The following CSRP3 variants were observed in gnomAD, a reference collection of about 807,000 sequenced individuals.
CSRP3 encodes the protein cysteine and glycine rich protein 3, also known as cysteine and glycine-rich protein 3.
Under a neutral mutation model 24.3 loss-of-function variants are expected in CSRP3, and 24 were observed. The observed-to-expected ratio is 0.99, with a 90% CI of 0.71 to 1.39. CSRP3 has a LOEUF of 1.39. Among genes scored for constraint, CSRP3 ranks in the 40% most tolerant of loss-of-function variants. CSRP3 has a pLI of 0.00. For synonymous variants in CSRP3, 105 were observed against 94.0 expected (o/e 1.12, Z -0.68); for missense variants, 240 against 249.0 (o/e 0.96, Z 0.24).
At chr11:19,198,712 C>T (rs1298799121) in intron 1 of CSRP3, among the ~76,000 whole-genome samples, 7 of 138,816 alleles carry the variant, frequency 5.0e-5, no homozygotes, top group African/African-American at 1.2e-4. Context: ...GATGACATAG[C>T]CACAGTGAAA....
intron 3 of CSRP3, among the ~76,000 whole-genome samples, chr11:19,187,306 C>G (rs1451994216): frequency 6.6e-6 from 1 of 152,246 alleles, no homozygotes; most frequent in Non-Finnish European, 1.5e-5. Context: ...GTGGCTTACT[C>G]TCTTTTGAAG....
chr11:19,182,809 C>A, intron 5 of CSRP3, 63 bp from the exon 6 acceptor site: 1 of 1,137,360 alleles, frequency 8.8e-7, no homozygotes, highest in South Asian at 1.2e-5. Flanking sequence ...TTTTTCAGGG[C>A]TTTCTGTCTG....
At chr11:19,199,583 C>T (rs886769785) in intron 1 of CSRP3, among the ~76,000 whole-genome samples, 2 of 152,224 alleles carry the variant, frequency 1.3e-5, no homozygotes, top group East Asian at 3.8e-4. Flanking sequence ...GCTTTCTCAG[C>T]CATGTGATGC....
chr11:19,194,719 G>A (rs373661408), intron 1 of CSRP3, among the ~76,000 whole-genome samples: 48 of 152,048 alleles, frequency 3.2e-4, no homozygotes, highest in African/African-American at 1.1e-3. Context: ...AAAAATGGAA[G>A]CATGTGGTTT....
intron 2 of CSRP3, 87 bp downstream of exon 2, chr11:19,192,250 C>T (rs548670952): frequency 1.1e-6 from 1 of 901,294 alleles, no homozygotes; most frequent in South Asian, 1.3e-5. Context: ...CTATGAGAAC[C>T]ACTGGCATAC....
At chr11:19,192,940 G>A (rs1013732534) in intron 1 of CSRP3, among the ~76,000 whole-genome samples, 14 of 152,144 alleles carry the variant, frequency 9.2e-5, no homozygotes, top group Non-Finnish European at 1.8e-4. Flanking sequence ...TGGTTTGGTA[G>A]ATCTGGGGAG....
intron 3 of CSRP3, among the ~76,000 whole-genome samples, chr11:19,187,367 C>A (rs1318143589): frequency 1.3e-5 from 2 of 152,228 alleles, no homozygotes; most frequent in Non-Finnish European, 2.9e-5. Context: ...GGAGGCCCTC[C>A]ATGGGACACT....
intron 1 of CSRP3, among the ~76,000 whole-genome samples, chr11:19,198,756 AGAAACACTAACTGTT>A (rs1850785583): frequency 6.6e-6 from 1 of 152,240 alleles, no homozygotes; most frequent in Non-Finnish European, 1.5e-5. Flanking sequence ...GCTTAAGTTC[AGAAACACTAACTGTT>A]GAACACTGGG....
intron 1 of CSRP3, among the ~76,000 whole-genome samples, chr11:19,197,514 T>TCTTTCTTTCTTC (rs1442802131): frequency 3.8e-5 from 4 of 105,940 alleles, no homozygotes; most frequent in East Asian, 5.9e-4. Context: ...TTTCTTTCTT[T>TCTTTCTTTCTTC]CTTTCTTTCT....
At chr11:19,189,581 T>A (rs1850584213) in intron 2 of CSRP3, among the ~76,000 whole-genome samples, 2 of 152,246 alleles carry the variant, frequency 1.3e-5, no homozygotes, top group South Asian at 4.1e-4. Flanking sequence ...TAATATGCCT[T>A]CTTCAAATGA....
At chr11:19,186,390 G>A in intron 3 of CSRP3, 42 bp from the exon 4 acceptor site, 1 of 1,613,778 alleles carries the variant, frequency 6.2e-7, no homozygotes, top group Non-Finnish European at 8.5e-7. Context: ...GATTTCCCTT[G>A]GCAAAGAGTA....
chr11:19,198,440 A>T (rs760544945), intron 1 of CSRP3, among the ~76,000 whole-genome samples: 1 of 152,244 alleles, frequency 6.6e-6, no homozygotes, highest in Non-Finnish European at 1.5e-5. Context: ...ACTGAAATCA[A>T]TGACTTTCTG....
chr11:19,192,374 G>A lies in CSRP3; in HGVS notation c.75C>T (p.Cys25=), dbSNP rs1328153568. 2.5e-6 allele frequency: 4 copies of A among 1,614,070 alleles called. No individual in the cohort carries two copies. Among genetic ancestry groups the A allele is most frequent in the Non-Finnish European group, 3.4e-6 (4 of 1,180,038 alleles). ...ACGTCTTGTGGAAACTCCTTCCATT[G>A]CACTGGATTTCTTCTGCATGGTAGA... ...KTVYHAEEIQ[C]NGRSFHKTCF... The change falls in exon 2 of 6, where the codon TGC becomes TGT. Residue 25 remains cysteine, a synonymous_variant. Transcript: ENST00000265968.
intron 1 of CSRP3, among the ~76,000 whole-genome samples, chr11:19,197,524 T>A (rs1213129305): frequency 7.9e-6 from 1 of 126,798 alleles, no homozygotes; most frequent in Non-Finnish European, 1.6e-5. Flanking sequence ...TCTTTCTTTC[T>A]TTCTTTCTTT....
chr11:19,192,520 G>A, intron 1 of CSRP3, 44 bp from the exon 2 acceptor site: 1 of 1,211,266 alleles, frequency 8.3e-7, no homozygotes, highest in Non-Finnish European at 1.2e-6. Context: ...AGTGGCCCCA[G>A]GAGTGAACCA....
chr11:19,185,869 TGA>T (rs1850516803), intron 4 of CSRP3, among the ~76,000 whole-genome samples: 1 of 152,090 alleles, frequency 6.6e-6, no homozygotes, highest in African/African-American at 2.4e-5. Context: ...AGCAACAGGT[TGA>T]GTTAGGCAGT....
intron 1 of CSRP3, among the ~76,000 whole-genome samples, chr11:19,197,527 CTTTCTTTCTTTCTTT>C (rs1850753475): frequency 7.9e-6 from 1 of 126,766 alleles, no homozygotes; most frequent in East Asian, 2.3e-4. Flanking sequence ...TTCTTTCTTT[CTTTCTTTCTTTCTTT>C]CTTTCTTTCT....
chr11:19,190,003 T>G (rs779654777), intron 2 of CSRP3, among the ~76,000 whole-genome samples: 27 of 152,382 alleles, frequency 1.8e-4, no homozygotes, highest in Admixed American at 5.9e-4. Context: ...CTGAGTTCCT[T>G]GAGGGCAAGC....
rs376198883 is a variant in CSRP3 at position 19,185,024 on chromosome 11, G to A, written c.436C>T (p.Arg146Cys). 32 of 1,614,058 alleles carry A rather than the reference G, an allele frequency of 2.0e-5. No individual in the cohort carries two copies. Among genetic ancestry groups the A allele is most frequent in the Middle Eastern group, 1.6e-4 (1 of 6,084 alleles). Residue 146 changes from arginine to cysteine, a missense_variant, in exon 5 of 6, where the codon CGC (arginine) becomes TGC (cysteine). Coordinates refer to ENST00000265968, the MANE Select transcript of CSRP3 (RefSeq NM_003476.5). ...GGKPWHKTCFRCAICGKSLES... is the reference protein window; with the variant it reads ...GGKPWHKTCFCCAICGKSLES... ...AGACTCTTCCCACAGATGGCACAGC[G>A]GAAACAGGTCTTGTGCCAAGGCTGA...
Sources: gnomAD v4.1 joint callset for allele counts (sites outside exome capture counted in the v4.1 genomes callset) on GRCh38, gnomAD v4.1.1 for gene constraint, MANE v1.5 for transcripts, NCBI Gene and HGNC (gene_info 2026-07-23, HGNC 2026-07-21) for gene names.